The following STPG4 variants were observed in gnomAD, a reference collection of about 807,000 sequenced individuals.
The protein encoded by STPG4 is sperm-tail PG-rich repeat containing 4, also known as protein STPG4.
A neutral mutation model predicts 31.5 loss-of-function variants in STPG4; 41 were observed. The observed-to-expected ratio is 1.30, with a 90% CI of 1.01 to 1.69. The LOEUF is 1.69. Ranked by LOEUF, STPG4 falls within the 40% of genes most tolerant of loss-of-function variation. The probability of loss-of-function intolerance (pLI) is 0.00; values close to 1 mark genes in which losing one functional copy is unlikely to be tolerated. For missense variants in STPG4, 375 were observed against 293.4 expected (o/e 1.28, Z -2.03); for synonymous variants, 141 against 103.0 (o/e 1.37, Z -2.24).
At chr2:47,107,503 T>C (rs1339122002) in intron 5 of STPG4, among the ~76,000 whole-genome samples, 19 of 152,170 alleles carry the variant, frequency 1.2e-4, no homozygotes, top group Non-Finnish European at 5.9e-5. Context: ...CACCGGGTCT[T>C]AGCTGCCTTC....
chr2:47,120,546 G>A (rs1015824399), intron 5 of STPG4, among the ~76,000 whole-genome samples: 3 of 142,180 alleles, frequency 2.1e-5, no homozygotes, highest in East Asian at 2.1e-4. Context: ...CAGCCTGGGC[G>A]AAAGAGCAAG....
intron 6 of STPG4, 47 bp from the exon 7 acceptor site, chr2:47,087,177 A>C (rs1342339496): frequency 6.5e-7 from 1 of 1,546,376 alleles, no homozygotes; most frequent in Admixed American, 2.0e-5. Flanking sequence ...GTGAAACCAA[A>C]ACCCTGAGGC....
intron 3 of STPG4, among the ~76,000 whole-genome samples, chr2:47,148,975 T>C (rs543386570): frequency 6.6e-6 from 1 of 152,348 alleles, no homozygotes; most frequent in East Asian, 1.9e-4. Context: ...GAGAATGCTA[T>C]TCTAGCTTAA....
At chr2:47,153,406 G>C (rs111704820) in intron 1 of STPG4, among the ~76,000 whole-genome samples, 9 of 152,248 alleles carry the variant, frequency 5.9e-5, no homozygotes, top group African/African-American at 2.2e-4. Context: ...CCCAACCCTC[G>C]TGCTTCCTCA....
At chr2:47,096,014 A>C (rs2347605) in intron 5 of STPG4, among the ~76,000 whole-genome samples, 124,073 of 151,676 alleles carry the variant, frequency 0.82, 50,988 homozygotes, top group Admixed American at 0.88. Context: ...GTTACCACAA[A>C]AGCCCTAAAC....
At chr2:47,118,192 T>C (rs1686190204) in intron 5 of STPG4, among the ~76,000 whole-genome samples, 1 of 152,184 alleles carries the variant, frequency 6.6e-6, no homozygotes, top group Admixed American at 6.5e-5. Context: ...TCTGTATTTA[T>C]AGCCACTCCC....
intron 3 of STPG4, among the ~76,000 whole-genome samples, chr2:47,133,166 CT>C (rs1686522286): frequency 6.6e-6 from 1 of 150,916 alleles, no homozygotes; most frequent in Non-Finnish European, 1.5e-5. Context: ...ACATATGCTT[CT>C]CAGTTCTTTT....
intron 6 of STPG4, among the ~76,000 whole-genome samples, chr2:47,089,217 T>C (rs1306612189): frequency 6.6e-6 from 1 of 152,192 alleles, no homozygotes; most frequent in Non-Finnish European, 1.5e-5. Flanking sequence ...CCGACAAACA[T>C]GTTTCTGGAT....
At chr2:47,134,392 G>A (rs1449515100) in intron 3 of STPG4, among the ~76,000 whole-genome samples, 4 of 152,028 alleles carry the variant, frequency 2.6e-5, no homozygotes, top group Non-Finnish European at 4.4e-5. Context: ...GACAACCACT[G>A]ATCTTTTTAT....
intron 3 of STPG4, 62 bp downstream of exon 3, chr2:47,151,196 T>C: frequency 1.3e-6 from 2 of 1,580,682 alleles, no homozygotes; most frequent in Non-Finnish European, 1.7e-6. Flanking sequence ...CGTATAAAAA[T>C]ACTTTCCTCA....
intron 5 of STPG4, among the ~76,000 whole-genome samples, chr2:47,091,833 G>C (rs181386004): frequency 8.1e-4 from 123 of 152,160 alleles, no homozygotes; most frequent in Middle Eastern, 3.4e-3. Context: ...TTGAGAATGT[G>C]TGCAAATATT....
intron 3 of STPG4, among the ~76,000 whole-genome samples, chr2:47,142,450 T>C (rs921060442): frequency 5.3e-5 from 8 of 152,016 alleles, no homozygotes; most frequent in African/African-American, 1.7e-4. Flanking sequence ...AGGAAATAAA[T>C]AAGAGAATTT....
intron 5 of STPG4, among the ~76,000 whole-genome samples, chr2:47,094,782 T>C (rs1402696339): frequency 6.6e-6 from 1 of 152,198 alleles, no homozygotes; most frequent in Non-Finnish European, 1.5e-5. Flanking sequence ...TGCAAAAGAC[T>C]CAGACTTTCC....
intron 5 of STPG4, 87 bp downstream of exon 5, chr2:47,129,854 T>C: frequency 6.4e-7 from 1 of 1,553,130 alleles, no homozygotes. Context: ...TGGAGGGTTC[T>C]ATGTGGCCAC....
At position 47,098,912 on chromosome 2, in the gene STPG4, T is replaced by C. The variant is rs1022454316; in HGVS notation, c.520-8538A>G. On this transcript the variant is annotated intron_variant, in intron 5 of 6. Transcript: ENST00000445927. The stretch of plus-strand genomic sequence containing the variant: ...TTCTAGAATTCTGTCAACATTGGTC[T>C]ACAGGTTCCCAAGACAAGGGGGTCA... Among the ~76,000 whole-genome samples, 44 of 152,190 alleles carry C rather than the reference T, an allele frequency of 2.9e-4. 1 individual carries two copies. The highest frequency in any genetic ancestry group is 1.0e-3 in the African/African-American group (43 of 41,442).
intron 5 of STPG4, among the ~76,000 whole-genome samples, chr2:47,114,966 C>T (rs1311283622): frequency 6.6e-6 from 1 of 152,058 alleles, no homozygotes; most frequent in Non-Finnish European, 1.5e-5. Context: ...CAGGGTCTCA[C>T]CATGTTGCCC....
chr2:47,138,120 T>C (rs1002466589), intron 3 of STPG4, among the ~76,000 whole-genome samples: 2 of 152,172 alleles, frequency 1.3e-5, no homozygotes, highest in African/African-American at 4.8e-5. Flanking sequence ...ATACTATAAA[T>C]TTCCCTCTAA....
At position 47,130,295 on chromosome 2, in the gene STPG4, T is replaced by C. The variant is rs750427586; in HGVS notation, c.400-35A>G. The C allele has an allele frequency of 7.0e-6, 11 of 1,568,088 alleles. No individual in the cohort carries two copies. The Admixed American group carries it at 1.2e-4, about 17-fold the overall frequency. On this transcript the variant is annotated intron_variant, in intron 3 of 6. Transcript: ENST00000445927. ...ATGGACAAGGACACCAATAGATTAATAGAGGTTGTAAACTCACTTCGTTAT... is the reference window on the plus strand; with the variant it reads ...ATGGACAAGGACACCAATAGATTAACAGAGGTTGTAAACTCACTTCGTTAT...
intron 5 of STPG4, among the ~76,000 whole-genome samples, chr2:47,099,703 G>A: frequency 6.6e-6 from 1 of 152,252 alleles, no homozygotes; most frequent in East Asian, 1.9e-4. Context: ...GCCAGAGCCG[G>A]CTCCCTCAGC....
Sources: allele counts gnomAD v4.1 joint callset (sites outside exome capture counted in the v4.1 genomes callset), GRCh38; gene constraint gnomAD v4.1.1; transcripts MANE v1.5; gene names NCBI Gene and HGNC (gene_info 2026-07-23, HGNC 2026-07-21).